The following STAU1 variants were observed in gnomAD, a reference collection of about 807,000 sequenced individuals.
STAU1 encodes the protein double-stranded RNA-binding protein Staufen homolog 1.
STAU1 carries 13 observed loss-of-function variants against 62.9 expected under a neutral mutation model. The observed-to-expected ratio is 0.21, with a 90% CI of 0.13 to 0.33. The LOEUF is 0.33. STAU1 is among the 10% of genes least tolerant of loss of function. STAU1 has a pLI of 1.00. For missense variants in STAU1, 571 were observed against 712.1 expected (o/e 0.80, Z 2.25); for synonymous variants, 269 against 265.1 (o/e 1.01, Z -0.14).
intron 1 of STAU1, among the ~76,000 whole-genome samples, chr20:49,186,407 T>C (rs1194230773): frequency 6.6e-6 from 1 of 150,884 alleles, no homozygotes; most frequent in African/African-American, 2.4e-5. Flanking sequence ...TGTCAGAAAA[T>C]TCTAGGAAAA....
chr20:49,141,091 A>G (rs2092996442), intron 5 of STAU1, among the ~76,000 whole-genome samples: 1 of 152,114 alleles, frequency 6.6e-6, no homozygotes, highest in Non-Finnish European at 1.5e-5. Flanking sequence ...AGACTGTCGT[A>G]AGACTTTGAA....
intron 3 of STAU1, among the ~76,000 whole-genome samples, chr20:49,155,953 G>A (rs930953619): frequency 6.6e-6 from 1 of 152,156 alleles, no homozygotes; most frequent in Non-Finnish European, 1.5e-5. Flanking sequence ...TGCTAAAACA[G>A]CCATTAATGA....
the STAU1 span, among the ~76,000 whole-genome samples, chr20:49,196,079 A>C: frequency 6.7e-6 from 1 of 148,588 alleles, no homozygotes. Flanking sequence ...AGCCGAGATC[A>C]CACCACTGCA....
chr20:49,138,666 A>AT (rs1176367049), intron 5 of STAU1, among the ~76,000 whole-genome samples: 7 of 151,674 alleles, frequency 4.6e-5, no homozygotes, highest in African/African-American at 7.3e-5. Context: ...ACTCCCAGCT[A>AT]TTTTTTTTAA....
chr20:49,192,717 C>T (rs997090874), upstream of STAU1, among the ~76,000 whole-genome samples: 17 of 152,094 alleles, frequency 1.1e-4, no homozygotes, highest in South Asian at 2.1e-4. Context: ...GGGAGAATCG[C>T]GTGAGCCCAG....
intron 1 of STAU1, among the ~76,000 whole-genome samples, chr20:49,187,764 G>A (rs1273339952): frequency 1.8e-5 from 2 of 111,512 alleles, no homozygotes; most frequent in South Asian, 3.2e-4. Context: ...TCGGGGACCT[G>A]AAGCAGGGAC....
chr20:49,191,858 C>A (rs1204033531), upstream of STAU1, among the ~76,000 whole-genome samples: 1 of 151,916 alleles, frequency 6.6e-6, no homozygotes, highest in Non-Finnish European at 1.5e-5. Context: ...CGAGACCAGC[C>A]TGGCCAACAT....
the STAU1 span, among the ~76,000 whole-genome samples, chr20:49,195,721 T>G: frequency 6.7e-6 from 1 of 148,716 alleles, no homozygotes; most frequent in Non-Finnish European, 1.5e-5. Context: ...CTGACCAACA[T>G]GGAAAAACCC....
At chr20:49,125,634 CAGG>C (rs751939056) in intron 6 of STAU1, among the ~76,000 whole-genome samples, 1 of 151,338 alleles carries the variant, frequency 6.6e-6, no homozygotes, top group Non-Finnish European at 1.5e-5. Context: ...ATCACGAGGT[CAGG>C]AGATCGAGAC....
chr20:49,214,531 A>AC, the STAU1 span, among the ~76,000 whole-genome samples: 1 of 144,834 alleles, frequency 6.9e-6, no homozygotes, highest in Non-Finnish European at 1.5e-5. Context: ...AAAAAAAAAA[A>AC]AACAATAACA....
the STAU1 span, among the ~76,000 whole-genome samples, chr20:49,215,386 C>G: frequency 6.6e-6 from 1 of 152,090 alleles, no homozygotes; most frequent in African/African-American, 2.4e-5. Context: ...ACCTTCTGAC[C>G]TTGGGCAATT....
the STAU1 span, chr20:49,219,267 C>A: frequency 7.2e-7 from 1 of 1,381,272 alleles, no homozygotes; most frequent in East Asian, 2.5e-5. Flanking sequence ...TGGCGTCACA[C>A]GAAACCAACC....
At chr20:49,213,378 G>T in the STAU1 span, among the ~76,000 whole-genome samples, 1 of 152,056 alleles carries the variant, frequency 6.6e-6, no homozygotes, top group East Asian at 1.9e-4. Context: ...TTACAGGTGT[G>T]GGCCACCAAC....
chr20:49,126,035 TA>T (rs767949887), intron 6 of STAU1, among the ~76,000 whole-genome samples: 1 of 151,928 alleles, frequency 6.6e-6, no homozygotes. Context: ...AGCTGCATAT[TA>T]AAGTGATTAC....
chr20:49,201,947 G>A, the STAU1 span, among the ~76,000 whole-genome samples: 13 of 151,600 alleles, frequency 8.6e-5, no homozygotes, highest in South Asian at 2.1e-4. Flanking sequence ...GAGGCCAGGC[G>A]CGGTGGCTCA....
chr20:49,117,156 G>A lies in STAU1; in HGVS notation c.1602C>T (p.Ile534=), dbSNP rs202177433. ...CATGGCAGGACTCCACATCCTTGCC[G>A]ATACCATGGCTGATCAGAGGTGGCT... is the stretch of plus-strand genomic sequence containing the variant. ...SSQPPLISHG[I]GKDVESCHDM... The change falls in exon 12 of 14, where the codon ATC becomes ATT. Residue 534 remains isoleucine, a synonymous_variant. Coordinates refer to ENST00000371856, the MANE Select transcript of STAU1 (RefSeq NM_017453.4). The surrounding 1 kb of genome is among the most constrained non-coding windows in gnomAD (Gnocchi z 4.6). 49 of 1,614,004 alleles carry A rather than the reference G, an allele frequency of 3.0e-5. No individual in the cohort carries two copies. The East Asian group carries it at 7.6e-4, about 25-fold the overall frequency.
At chr20:49,212,355 T>C in the STAU1 span, among the ~76,000 whole-genome samples, 2 of 152,224 alleles carry the variant, frequency 1.3e-5, no homozygotes, top group Admixed American at 1.3e-4. Flanking sequence ...TTTATTTTTC[T>C]AGCTTTATTG....
At chr20:49,217,026 G>A in the STAU1 span, among the ~76,000 whole-genome samples, 5 of 152,198 alleles carry the variant, frequency 3.3e-5, no homozygotes. Flanking sequence ...TGATGTCTCT[G>A]AGCCCAGAGG....
At chr20:49,180,338 C>CG (rs900053147) in intron 1 of STAU1, among the ~76,000 whole-genome samples, 24 of 150,666 alleles carry the variant, frequency 1.6e-4, no homozygotes, top group African/African-American at 5.9e-4. Flanking sequence ...TTTTTCCCCC[C>CG]CTGGATACAG....
Sources: gnomAD v4.1 joint callset for allele counts (sites outside exome capture counted in the v4.1 genomes callset) on GRCh38, gnomAD v4.1.1 for gene constraint, Gnocchi (gnomAD v3.1) non-coding constraint, MANE v1.5 for transcripts, NCBI Gene and HGNC (gene_info 2026-07-23, HGNC 2026-07-21) for gene names.